Variants in STK31 observed in about 807,000 individuals in gnomAD.
The protein encoded by STK31 is serine/threonine kinase 31.
STK31 carries 89 observed loss-of-function variants against 129.7 expected under a neutral mutation model. The ratio of observed to expected loss-of-function variants is 0.69; its 90% CI spans 0.58 to 0.82. STK31 has a LOEUF of 0.82. Among genes scored for constraint, STK31 ranks in the 40% least tolerant of loss-of-function variants. The pLI is 0.00. For missense variants in STK31, 1,187 were observed against 1,176.4 expected, an observed-to-expected ratio of 1.01 and a Z score of -0.13; for synonymous variants, 448 against 395.3, an observed-to-expected ratio of 1.13 and a Z score of -1.58.
chr7:23,769,439 A>G (rs1376466028), intron 12 of STK31, among the ~76,000 whole-genome samples: 1 of 151,404 alleles, frequency 6.6e-6, no homozygotes, highest in Non-Finnish European at 1.5e-5. Context: ...CCATTTATTT[A>G]TTTTCTTACA....
At chr7:23,751,775 C>G (rs1221195928) in intron 8 of STK31, among the ~76,000 whole-genome samples, 1 of 152,130 alleles carries the variant, frequency 6.6e-6, no homozygotes, top group African/African-American at 2.4e-5. Flanking sequence ...ATTGTTGGAT[C>G]TTTTTGATGA....
chr7:23,803,330 A>G (rs1017948618), intron 22 of STK31, among the ~76,000 whole-genome samples: 11 of 152,212 alleles, frequency 7.2e-5, no homozygotes, highest in African/African-American at 2.7e-4. Flanking sequence ...TTACAAGGCC[A>G]TGAAGGGATT....
intron 15 of STK31, among the ~76,000 whole-genome samples, chr7:23,773,074 T>C (rs1790301969): frequency 6.6e-6 from 1 of 152,204 alleles, no homozygotes; most frequent in Non-Finnish European, 1.5e-5. Context: ...CTTTAAGTTC[T>C]GGGATACATG....
At chr7:23,740,103 G>C (rs186028950) in intron 8 of STK31, among the ~76,000 whole-genome samples, 1 of 152,080 alleles carries the variant, frequency 6.6e-6, no homozygotes, top group Non-Finnish European at 1.5e-5. Flanking sequence ...TCCTGTCCAC[G>C]AGCATGGAAT....
intron 22 of STK31, among the ~76,000 whole-genome samples, chr7:23,795,136 A>T (rs1317731048): frequency 1.3e-5 from 2 of 152,176 alleles, no homozygotes; most frequent in Non-Finnish European, 2.9e-5. Context: ...AGCCCTTCCC[A>T]TCACAGGCAC....
chr7:23,828,131 G>A (rs1794293944), intron 23 of STK31, among the ~76,000 whole-genome samples: 1 of 152,114 alleles, frequency 6.6e-6, no homozygotes, highest in African/African-American at 2.4e-5. Flanking sequence ...TGTCAGACAG[G>A]GACACTTAAG....
chr7:23,748,697 C>G (rs1400881850), intron 8 of STK31, among the ~76,000 whole-genome samples: 2 of 152,168 alleles, frequency 1.3e-5, no homozygotes, highest in Non-Finnish European at 2.9e-5. Flanking sequence ...TCTCTTTATG[C>G]TTTTCCTAAT....
chr7:23,785,415 T>G (rs1584443287), intron 17 of STK31, 63 bp from the exon 18 acceptor site: 2 of 1,579,498 alleles, frequency 1.3e-6, no homozygotes, highest in East Asian at 2.3e-5. Context: ...ACTAATTATT[T>G]TGATGATTTT....
intron 22 of STK31, among the ~76,000 whole-genome samples, chr7:23,795,037 A>G (rs1379689134): frequency 1.3e-5 from 2 of 152,264 alleles, no homozygotes; most frequent in Non-Finnish European, 2.9e-5. Context: ...AGCCAGCTGC[A>G]GGAATTTGCA....
intron 6 of STK31, among the ~76,000 whole-genome samples, chr7:23,732,045 A>G (rs559367918): frequency 6.6e-6 from 1 of 152,344 alleles, no homozygotes; most frequent in South Asian, 2.1e-4. Context: ...GCGGTGGCTC[A>G]TGCCTGTAAG....
intron 5 of STK31, 34 bp from the exon 6 acceptor site, chr7:23,729,057 G>T (rs759369442): frequency 6.5e-7 from 1 of 1,528,694 alleles, no homozygotes; most frequent in East Asian, 2.4e-5. Context: ...TTAATCTGGG[G>T]TCAGTATTCG....
At position 23,752,762 on chromosome 7, in the gene STK31, A is replaced by G. The variant is rs900613788; in HGVS notation, c.1063A>G (p.Thr355Ala). 1 of 1,613,674 alleles carries G rather than the reference A, an allele frequency of 6.2e-7. No homozygotes were observed. Among genetic ancestry groups the G allele is most frequent in the Non-Finnish European group, 8.5e-7 (1 of 1,179,904 alleles). Reference sequence around the variant, plus strand: ...GGATTTGACTAACCACTTAGAATACACTCTGAAGACCTATATAGATACCAG... The same window carrying G: ...GGATTTGACTAACCACTTAGAATACGCTCTGAAGACCTATATAGATACCAG... The part of the protein sequence containing the change: ...AVDLTNHLEY[T>A]LKTYIDTRMK... Residue 355 changes from threonine to alanine, a missense_variant, in exon 9 of 24, where the codon ACT (threonine) becomes GCT (alanine). Thr to Ala is a moderately conservative substitution (Grantham distance 58). Transcript: ENST00000355870.
intron 10 of STK31, among the ~76,000 whole-genome samples, chr7:23,760,683 A>G (rs558428793): frequency 1.3e-5 from 2 of 152,126 alleles, no homozygotes; most frequent in Middle Eastern, 3.4e-3. Context: ...TTTTTGAGGT[A>G]TGGTCTCACT....
intron 23 of STK31, among the ~76,000 whole-genome samples, chr7:23,815,760 A>C (rs115201971): frequency 3.5e-3 from 536 of 152,310 alleles, no homozygotes; most frequent in African/African-American, 0.013. Flanking sequence ...ATATGCTTGT[A>C]TTAAAATATC....
intron 22 of STK31, among the ~76,000 whole-genome samples, chr7:23,810,640 T>A (rs1398157852): frequency 2.2e-5 from 3 of 137,186 alleles, no homozygotes; most frequent in South Asian, 4.3e-4. Context: ...AGATATAAAA[T>A]ATATAAATTA....
At chr7:23,744,417 G>T (rs568784465) in intron 8 of STK31, among the ~76,000 whole-genome samples, 40 of 151,238 alleles carry the variant, frequency 2.6e-4, no homozygotes, top group African/African-American at 9.7e-4. Context: ...TTTAAAATCA[G>T]TATTTTGGAT....
chr7:23,767,279 C>T (rs144134251), intron 11 of STK31, among the ~76,000 whole-genome samples: 30 of 152,296 alleles, frequency 2.0e-4, no homozygotes, highest in Middle Eastern at 3.4e-3. Flanking sequence ...TATCTCTCCT[C>T]AAGATCTCAT....
At chr7:23,763,255 A>G (rs934289218) in intron 11 of STK31, among the ~76,000 whole-genome samples, 1 of 152,136 alleles carries the variant, frequency 6.6e-6, no homozygotes, top group Admixed American at 6.6e-5. Flanking sequence ...ACCACATGTT[A>G]CAGGGAGAAG....
At position 23,826,534 on chromosome 7, in the gene STK31, G is replaced by T. The variant is rs539589369; in HGVS notation, c.2830-5602G>T. The stretch of plus-strand genomic sequence containing the variant: ...GTTTCCTGAATACAGCACACTGATG[G>T]GTCTTGACTCTTTATCCAGTTTGCC... On this transcript the variant is annotated intron_variant, in intron 23 of 23. Transcript: ENST00000355870. Among the ~76,000 whole-genome samples, 7 of 152,152 alleles carry T rather than the reference G, an allele frequency of 4.6e-5. No homozygotes were observed. In the South Asian group the frequency reaches 1.5e-3, roughly 32 times the overall value.
Sources: gnomAD v4.1 joint callset for allele counts (sites outside exome capture counted in the v4.1 genomes callset) on GRCh38, gnomAD v4.1.1 for gene constraint, MANE v1.5 for transcripts, NCBI Gene and HGNC (gene_info 2026-07-23, HGNC 2026-07-21) for gene names.